The following PTPRG variants were observed in gnomAD, a reference collection of about 807,000 sequenced individuals.
The protein encoded by PTPRG is protein tyrosine phosphatase receptor type G.
PTPRG carries 102 observed loss-of-function variants against 165.3 expected under a neutral mutation model. The observed-to-expected ratio is 0.62, with a 90% CI of 0.53 to 0.73. The LOEUF (loss-of-function observed/expected upper bound fraction) is 0.73. PTPRG is among the 30% of genes least tolerant of loss of function. The pLI, the probability that PTPRG is intolerant of heterozygous loss-of-function variation, is 0.00. For missense variants in PTPRG, 1,866 were observed against 1,861.4 expected (o/e 1.00, Z -0.05); for synonymous variants, 675 against 669.5 (o/e 1.01, Z -0.13).
At chr3:62,232,656 T>G (rs549220799) in intron 14 of PTPRG, among the ~76,000 whole-genome samples, 1 of 152,342 alleles carries the variant, frequency 6.6e-6, no homozygotes, top group African/African-American at 2.4e-5. Flanking sequence ...ACTATTTCTT[T>G]TATGTACTTC....
chr3:61,872,956 C>A (rs531929859), intron 2 of PTPRG, among the ~76,000 whole-genome samples: 9 of 152,114 alleles, frequency 5.9e-5, no homozygotes, highest in African/African-American at 2.2e-4. Context: ...AGAAAAAAAT[C>A]TAAAGAGTTG....
intron 5 of PTPRG, among the ~76,000 whole-genome samples, chr3:62,115,414 G>T (rs1239865339): frequency 6.6e-6 from 1 of 152,154 alleles, no homozygotes; most frequent in Non-Finnish European, 1.5e-5. Context: ...GTTTTCAAGG[G>T]TTGAGGAGTA....
At chr3:61,886,635 T>C (rs1238831062) in intron 2 of PTPRG, among the ~76,000 whole-genome samples, 1 of 152,136 alleles carries the variant, frequency 6.6e-6, no homozygotes. Context: ...ATCAGGAAGA[T>C]GGGGAGTTAA....
chr3:61,652,942 T>G (rs1196788836), intron 1 of PTPRG, among the ~76,000 whole-genome samples: 1 of 152,222 alleles, frequency 6.6e-6, no homozygotes, highest in Non-Finnish European at 1.5e-5. Flanking sequence ...GCAGAATCTT[T>G]GTATCAAAAT....
chr3:61,888,327 TTTTG>T (rs967911545), intron 2 of PTPRG, among the ~76,000 whole-genome samples: 46 of 110,670 alleles, frequency 4.2e-4, no homozygotes, highest in East Asian at 8.4e-4. Context: ...GGGTTGTTTT[TTTTG>T]TTTGTTTGTT....
intron 5 of PTPRG, among the ~76,000 whole-genome samples, chr3:62,095,975 ATCAGCCCTAGACTTTTC>A (rs1702095648): frequency 6.6e-6 from 1 of 152,192 alleles, no homozygotes; most frequent in Non-Finnish European, 1.5e-5. Flanking sequence ...CTTGAAGGCC[ATCAGCCCTAGACTTTTC>A]TTGGGGAGCC....
intron 2 of PTPRG, among the ~76,000 whole-genome samples, chr3:61,855,484 G>A (rs553985127): frequency 6.6e-6 from 1 of 151,542 alleles, no homozygotes; most frequent in South Asian, 2.1e-4. Flanking sequence ...GTGGTTGCTT[G>A]GAGTCTTCTA....
In PTPRG at chr3:62,294,469, T is replaced by C. The variant is rs1259271954; in HGVS notation, c.*1162T>C. 6.6e-6 allele frequency: 1 copy of C among 152,122 alleles called. No individual in the cohort carries two copies. Among genetic ancestry groups the C allele is most frequent in the Non-Finnish European group, 1.5e-5 (1 of 68,006 alleles). The allele number at this position is 152,122 out of a possible 1,614,324, so 9.4% of individuals were successfully genotyped here. ...GAGAGAGAAATTTAAAATATTTAAT[T>C]AAAGGTGATACCCACATTTTCAAGT... On this transcript the variant is annotated 3_prime_UTR_variant, in exon 30 of 30. Coordinates refer to ENST00000474889, the MANE Select transcript of PTPRG (RefSeq NM_002841.4).
At chr3:61,923,942 G>C (rs754066261) in intron 2 of PTPRG, among the ~76,000 whole-genome samples, 13 of 152,016 alleles carry the variant, frequency 8.6e-5, no homozygotes, top group Non-Finnish European at 1.9e-4. Context: ...GAATAACTAG[G>C]AGAAACATTC....
intron 1 of PTPRG, among the ~76,000 whole-genome samples, chr3:61,670,623 C>T (rs1477143008): frequency 2.0e-5 from 3 of 152,116 alleles, no homozygotes; most frequent in African/African-American, 2.4e-5. Flanking sequence ...CTCTCTGACA[C>T]GAAATAGAAA....
chr3:61,921,496 A>G (rs559829279), intron 2 of PTPRG, among the ~76,000 whole-genome samples: 8 of 152,318 alleles, frequency 5.3e-5, no homozygotes, highest in African/African-American at 1.9e-4. Context: ...GGCTGCCAGC[A>G]TGGTATCAAA....
At position 62,036,318 on chromosome 3, in the gene PTPRG, T is replaced by C. The variant is rs144757393; in HGVS notation, c.519+32821T>C. Among the ~76,000 whole-genome samples the C allele has an allele frequency of 2.5e-4, 38 of 152,196 alleles. 2 individuals are homozygous for C. The East Asian group carries it at 5.8e-3, about 23-fold the overall frequency. On this transcript the variant is annotated intron_variant, in intron 4 of 29. Coordinates refer to ENST00000474889, the MANE Select transcript of PTPRG (RefSeq NM_002841.4). ...TCCAGATGATGTGATAAAAAAGAAATCCATATTGAAGAATATGAAGTCCTG... is the reference window on the plus strand; with the variant it reads ...TCCAGATGATGTGATAAAAAAGAAACCCATATTGAAGAATATGAAGTCCTG...
At chr3:61,738,322 A>ATGTATATATATATGTG (rs1559583465) in intron 1 of PTPRG, among the ~76,000 whole-genome samples, 2 of 46,738 alleles carry the variant, frequency 4.3e-5, no homozygotes, top group African/African-American at 6.3e-5. Context: ...ACATATATAT[A>ATGTATATATATATGTG]TATATATATA....
chr3:62,275,146 TCAAC>T (rs747550399), intron 23 of PTPRG, among the ~76,000 whole-genome samples: 9 of 152,280 alleles, frequency 5.9e-5, no homozygotes, highest in Admixed American at 2.6e-4. Flanking sequence ...ACAAAATGGT[TCAAC>T]CAAGCTACAT....
At chr3:62,276,946 G>T in intron 24 of PTPRG, 26 bp from the exon 25 acceptor site, 1 of 1,594,436 alleles carries the variant, frequency 6.3e-7, no homozygotes, top group Non-Finnish European at 8.6e-7. Flanking sequence ...GGCAAATGTG[G>T]TGTTTTTGTT....
chr3:62,173,572 C>T (rs1183186235), intron 8 of PTPRG, among the ~76,000 whole-genome samples: 1 of 152,144 alleles, frequency 6.6e-6, no homozygotes, highest in African/African-American at 2.4e-5. Flanking sequence ...TGGTAATGGC[C>T]ATGACTGTGA....
rs144010373 is a variant in PTPRG, at chr3:62,254,305, C to T, written c.2468-819C>T. Among the ~76,000 whole-genome samples, 107 of 151,974 alleles carry T rather than the reference C, an allele frequency of 7.0e-4. No individual in the cohort carries two copies. The East Asian group carries it at 0.018, about 25-fold the overall frequency. On this transcript the variant is annotated intron_variant, in intron 15 of 29. Coordinates refer to ENST00000474889, the MANE Select transcript of PTPRG (RefSeq NM_002841.4). The surrounding 1 kb of genome is among the most constrained non-coding windows in gnomAD (Gnocchi z 4.6). ...AAAGGAAATATTTGTGGGGGAGGGTCGAGGGAGAAGGGAAGAAGGAGGTTG... is the reference window on the plus strand; with the variant it reads ...AAAGGAAATATTTGTGGGGGAGGGTTGAGGGAGAAGGGAAGAAGGAGGTTG...
intron 1 of PTPRG, among the ~76,000 whole-genome samples, chr3:61,563,289 C>G (rs1699814944): frequency 6.6e-6 from 1 of 152,182 alleles, no homozygotes; most frequent in African/African-American, 2.4e-5. Flanking sequence ...TCGCTCCTTT[C>G]TGGCCAGGTT....
chr3:61,754,346 C>T (rs980901865), intron 2 of PTPRG, among the ~76,000 whole-genome samples: 1 of 152,126 alleles, frequency 6.6e-6, no homozygotes, highest in African/African-American at 2.4e-5. Flanking sequence ...TGGCCTCCAC[C>T]CTGGAGTAGA....
Sources: allele counts gnomAD v4.1 joint callset (sites outside exome capture counted in the v4.1 genomes callset), GRCh38; gene constraint gnomAD v4.1.1; non-coding constraint Gnocchi (gnomAD v3.1); transcripts MANE v1.5; gene names NCBI Gene and HGNC (gene_info 2026-07-23, HGNC 2026-07-21).